BCKDK: variants seen among roughly 807,000 people sequenced by gnomAD.
BCKDK encodes branched-chain alpha-ketoacid dehydrogenase kinase.
BCKDK carries 28 observed loss-of-function variants against 43.9 expected under a neutral mutation model. The observed-to-expected ratio is 0.64, with a 90% confidence interval of 0.47 to 0.87. The LOEUF is 0.87. Among genes scored for constraint, BCKDK ranks in the 40% least tolerant of loss-of-function variants. The pLI, the probability that BCKDK is intolerant of heterozygous loss-of-function variation, is 0.00. For missense variants in BCKDK, 483 were observed against 581.4 expected (o/e 0.83, Z 1.74); for synonymous variants, 257 against 234.3 (o/e 1.10, Z -0.88).
In BCKDK at chr16:31,109,464, G is replaced by C. The variant is rs370542238; in HGVS notation, c.195+46G>C. Reference sequence around the variant, plus strand: ...CCCAGGGTCCGGGATGTAGGCGGGAGGGAGAGTGTTGGGGGTTCTCTGCTC... The same window carrying C: ...CCCAGGGTCCGGGATGTAGGCGGGACGGAGAGTGTTGGGGGTTCTCTGCTC... On this transcript the variant is annotated intron_variant, in intron 2 of 11. Transcript: ENST00000219794. This position sits in a 1 kb window ranked among gnomAD's most constrained non-coding sequence, Gnocchi z 5.3. 1.9e-5 allele frequency: 30 copies of C among 1,613,320 alleles called. No individual in the cohort carries two copies. The highest frequency in any genetic ancestry group is 3.3e-5 in the Admixed American group (2 of 59,946).
chr16:31,114,191 GTTTGT>G (rs1178636019), downstream of BCKDK, among the ~76,000 whole-genome samples: 2 of 151,822 alleles, frequency 1.3e-5, no homozygotes, highest in Non-Finnish European at 2.9e-5. Context: ...TTGTTTTTTT[GTTTGT>G]TTTGTTTCGT....
chr16:31,109,930 T>C lies in BCKDK; in HGVS notation c.375+147T>C. 7.3e-7 allele frequency: 1 copy of C among 1,372,614 alleles called. No homozygotes were observed. The highest frequency in any genetic ancestry group is 1.0e-6 in the Non-Finnish European group (1 of 970,982). The allele number at this position is 1,372,614 out of a possible 1,614,324, so 85.0% of individuals were successfully genotyped here. A position where few individuals can be genotyped will look rare whatever the true frequency, so the allele number is the denominator to read the frequency against. On this transcript the variant is annotated intron_variant, in intron 4 of 11. Coordinates refer to ENST00000219794, the MANE Select transcript of BCKDK (RefSeq NM_005881.4). This position sits in a 1 kb window ranked among gnomAD's most constrained non-coding sequence, Gnocchi z 5.3. ...CCCAGGCCTTCAGAAGCCAAAGGTG[T>C]GTATTCACGGAGCCTGGAAGGGTCG...
downstream of BCKDK, among the ~76,000 whole-genome samples, chr16:31,113,517 T>A (rs1428410591): frequency 1.3e-5 from 2 of 152,194 alleles, no homozygotes; most frequent in African/African-American, 2.4e-5. Context: ...TCTTGCTCTG[T>A]TGCCCAGGCT....
At position 31,109,974 on chromosome 16, in the gene BCKDK, G is replaced by A. The variant is rs1416379262; in HGVS notation, c.376-103G>A. 1.2e-5 allele frequency: 19 copies of A among 1,526,786 alleles called. No individual in the cohort carries two copies. Among genetic ancestry groups the A allele is most frequent in the Admixed American group, 1.7e-5 (1 of 59,576 alleles). The allele number at this position is 1,526,786 out of a possible 1,614,324, so 94.6% of individuals were successfully genotyped here. A position where few individuals can be genotyped will look rare whatever the true frequency, so the allele number is the denominator to read the frequency against. On this transcript the variant is annotated intron_variant, in intron 4 of 11. Transcript: ENST00000219794. The surrounding 1 kb of genome is among the most constrained non-coding windows in gnomAD (Gnocchi z 5.3). ...AGGGTCGAAGTGGGGGTTTGATCAC[G>A]TGGTCGACCAGCTGGGTGGTGATCC...
In BCKDK at chr16:31,112,753, C is replaced by T. The variant is rs1049339408; in HGVS notation, c.*488C>T. 1.7e-5 allele frequency: 5 copies of T among 288,650 alleles called. No individual in the cohort carries two copies. Among genetic ancestry groups the T allele is most frequent in the Non-Finnish European group, 2.0e-5 (3 of 147,882 alleles). 17.9% of individuals were successfully genotyped at this position (288,650 alleles called of 1,614,324 possible). A position where few individuals can be genotyped will look rare whatever the true frequency, so the allele number is the denominator to read the frequency against. ...TGATTTGGTGGGAGTGGGATGACTG[C>T]AGCACCTTATACAAAGAGCTTTCAT... On this transcript the variant is annotated 3_prime_UTR_variant, in exon 12 of 12. Coordinates refer to ENST00000219794, the MANE Select transcript of BCKDK (RefSeq NM_005881.4). The surrounding 1 kb of genome is among the most constrained non-coding windows in gnomAD (Gnocchi z 5.0).
At position 31,111,911 on chromosome 16, in the gene BCKDK, C is replaced by T. The variant is rs749756059; in HGVS notation, c.978C>T (p.Asp326=). The stretch of plus-strand genomic sequence containing the variant: ...GAGGAATCGCTCACAAAGATCTGGA[C>T]CGGGTCATGGACTACCACTTCACTA... The part of the protein sequence containing the change: ...RGGGIAHKDL[D]RVMDYHFTTA... The change falls in exon 11 of 12, where the codon GAC becomes GAT. Residue 326 remains aspartate, a synonymous_variant. Coordinates refer to ENST00000219794, the MANE Select transcript of BCKDK (RefSeq NM_005881.4). The T allele has an allele frequency of 1.9e-6, 3 of 1,614,178 alleles. No individual in the cohort carries two copies. In the African/African-American group the frequency reaches 4.0e-5, roughly 22 times the overall value.
At chr16:31,113,959 G>C (rs1229657601), downstream of BCKDK, among the ~76,000 whole-genome samples, 1 of 152,188 alleles carries the variant, frequency 6.6e-6, no homozygotes, top group African/African-American at 2.4e-5. Flanking sequence ...TATGCCTCAG[G>C]GTTGAAGGTA....
Position 31,111,347 on chromosome 16 carries a change from T to G in BCKDK, c.893T>G (p.Val298Gly). The G allele has an allele frequency of 6.2e-7, 1 of 1,614,156 alleles. No homozygotes were observed. The highest frequency in any genetic ancestry group is 1.1e-5 in the South Asian group (1 of 91,088). ...GACACTCCCTACAATGTCCCAGATG[T>G]GGTCATCACCATCGCCAACAATGAT... is the stretch of plus-strand genomic sequence containing the variant. Reference protein sequence around the residue: ...HLDTPYNVPDVVITIANNDVD... With the variant: ...HLDTPYNVPDGVITIANNDVD... The change falls in exon 10 of 12, where the codon GTG becomes GGG. Residue 298 changes from valine (V) to glycine (G), a missense_variant. Coordinates refer to ENST00000219794, the MANE Select transcript of BCKDK (RefSeq NM_005881.4).
At position 31,112,379 on chromosome 16, in the gene BCKDK, G is replaced by C; in HGVS notation, c.*114G>C. 3 of 1,518,220 alleles carry C rather than the reference G, an allele frequency of 2.0e-6. No individual in the cohort carries two copies. Among genetic ancestry groups the C allele is most frequent in the Non-Finnish European group, 2.7e-6 (3 of 1,114,792 alleles). The allele number at this position is 1,518,220 out of a possible 1,614,324, so 94.0% of individuals were successfully genotyped here. A position where few individuals can be genotyped will look rare whatever the true frequency, so the allele number is the denominator to read the frequency against. ...ACACACTGCTGCATCTTGGGTCTCA[G>C]GGACCCAGACAGATGGACTTACATG... On this transcript the variant is annotated 3_prime_UTR_variant, in exon 12 of 12. Transcript: ENST00000219794. This position sits in a 1 kb window ranked among gnomAD's most constrained non-coding sequence, Gnocchi z 5.0.
At position 31,112,146 on chromosome 16, in the gene BCKDK, C is replaced by T. The variant is rs781432488; in HGVS notation, c.1120C>T (p.Arg374Trp). Reference protein sequence around the residue: ...HGFGFGLPTSRAYAEYLGGSL... With the variant: ...HGFGFGLPTSWAYAEYLGGSL... ...CTTTGGCTTCGGGTTGCCCACGTCA[C>T]GGGCCTACGCGGAGTACCTCGGTGG... Residue 374 changes from arginine (R) to tryptophan (W), a missense_variant, in exon 12 of 12, where the codon CGG (arginine) becomes TGG (tryptophan). By Grantham distance (101) the Arg-to-Trp change is moderately radical. Coordinates refer to ENST00000219794, the MANE Select transcript of BCKDK (RefSeq NM_005881.4). This position sits in a 1 kb window ranked among gnomAD's most constrained non-coding sequence, Gnocchi z 5.0. 5 of 1,612,218 alleles carry T rather than the reference C, an allele frequency of 3.1e-6. No individual in the cohort carries two copies. The highest frequency in any genetic ancestry group is 2.2e-5 in the East Asian group (1 of 44,836).
Position 31,109,152 on chromosome 16 carries a change from T to G in BCKDK, c.-72T>G. 1 of 1,383,360 alleles carries G rather than the reference T, an allele frequency of 7.2e-7. No homozygotes were observed. Among genetic ancestry groups the G allele is most frequent in the East Asian group, 2.6e-5 (1 of 39,090 alleles). The allele number at this position is 1,383,360 out of a possible 1,614,324, so 85.7% of individuals were successfully genotyped here. The stretch of plus-strand genomic sequence containing the variant: ...CCACCCACACCCCCTTGCCCCATTT[T>G]GGGTCGCCTGGGTCCTCAGTCCTAG... On this transcript the variant is annotated 5_prime_UTR_variant, in exon 2 of 12. Transcript: ENST00000219794. The surrounding 1 kb of genome is among the most constrained non-coding windows in gnomAD (Gnocchi z 5.3).
Position 31,110,871 on chromosome 16 carries a change from G to A in BCKDK, c.716+110G>A, listed in dbSNP as rs961353478. 2.8e-6 allele frequency: 4 copies of A among 1,421,624 alleles called. No homozygotes were observed. Among genetic ancestry groups the A allele is most frequent in the Non-Finnish European group, 3.9e-6 (4 of 1,017,264 alleles). The allele number at this position is 1,421,624 out of a possible 1,614,324, so 88.1% of individuals were successfully genotyped here. A position where few individuals can be genotyped will look rare whatever the true frequency, so the allele number is the denominator to read the frequency against. Reference sequence around the variant, plus strand: ...CGGGGAGCAGGGTTTCTCAACCATGGCACTATTGACATTTCCAGCCAGATA... The same window carrying A: ...CGGGGAGCAGGGTTTCTCAACCATGACACTATTGACATTTCCAGCCAGATA... On this transcript the variant is annotated intron_variant, in intron 8 of 11. Coordinates refer to ENST00000219794, the MANE Select transcript of BCKDK (RefSeq NM_005881.4). The surrounding 1 kb of genome is among the most constrained non-coding windows in gnomAD (Gnocchi z 5.4).
At chr16:31,114,590 C>T (rs2057436420), downstream of BCKDK, among the ~76,000 whole-genome samples, 1 of 152,122 alleles carries the variant, frequency 6.6e-6, no homozygotes, top group Non-Finnish European at 1.5e-5. Context: ...TGTTTCCAAG[C>T]CCAATAACCA....
chr16:31,110,043 C>T lies in BCKDK; in HGVS notation c.376-34C>T, dbSNP rs772489972. ...GGCTGTTCTCTGCTCAGTGCCCATG[C>T]GGCTTTGTGAATTCCCACACCTCTT... On this transcript the variant is annotated intron_variant, in intron 4 of 11. Transcript: ENST00000219794. This position sits in a 1 kb window ranked among gnomAD's most constrained non-coding sequence, Gnocchi z 5.4. 2.1e-5 allele frequency: 34 copies of T among 1,613,810 alleles called. 1 individual carries two copies. In the South Asian group the frequency reaches 3.0e-4, roughly 14 times the overall value.
chr16:31,110,184 T>G lies in BCKDK; in HGVS notation c.424-21T>G, dbSNP rs747204815. 1.9e-6 allele frequency: 3 copies of G among 1,614,148 alleles called. No homozygotes were observed. Among genetic ancestry groups the G allele is most frequent in the Non-Finnish European group, 2.5e-6 (3 of 1,180,012 alleles). On this transcript the variant is annotated intron_variant, in intron 5 of 11. Transcript: ENST00000219794. This position sits in a 1 kb window ranked among gnomAD's most constrained non-coding sequence, Gnocchi z 5.4. ...GAGGTTGGGCTTGGACCACCCTTCC[T>G]CATGACTCTGTGACCTGCAGATCAA...
chr16:31,110,533 C>G lies in BCKDK; in HGVS notation c.642+34C>G. On this transcript the variant is annotated intron_variant, in intron 7 of 11. Coordinates refer to ENST00000219794, the MANE Select transcript of BCKDK (RefSeq NM_005881.4). The surrounding 1 kb of genome is among the most constrained non-coding windows in gnomAD (Gnocchi z 5.4). Reference sequence around the variant, plus strand: ...CTGGGACCTGAGACCCACCTGGGAACATTAAGTGAGACAGAGGAGACTGGG... The same window carrying G: ...CTGGGACCTGAGACCCACCTGGGAAGATTAAGTGAGACAGAGGAGACTGGG... The G allele has an allele frequency of 6.2e-7, 1 of 1,608,990 alleles. No individual in the cohort carries two copies. Among genetic ancestry groups the G allele is most frequent in the South Asian group, 1.1e-5 (1 of 90,964 alleles).
downstream of BCKDK, among the ~76,000 whole-genome samples, chr16:31,113,925 G>A (rs548664703): frequency 6.6e-6 from 1 of 152,310 alleles, no homozygotes; most frequent in Non-Finnish European, 1.5e-5. Flanking sequence ...TGTGACCTCA[G>A]GCAAAAGCCC....
downstream of BCKDK, among the ~76,000 whole-genome samples, chr16:31,113,806 T>C (rs1406916779): frequency 6.6e-6 from 1 of 152,016 alleles, no homozygotes; most frequent in African/African-American, 2.4e-5. Flanking sequence ...AAGGGATGTT[T>C]CTGGTTGGAG....
rs370032941 is a variant in BCKDK at position 31,110,682 on chromosome 16, G to C, written c.643-6G>C. 2 of 1,614,040 alleles carry C rather than the reference G, an allele frequency of 1.2e-6. No homozygotes were observed. The highest frequency in any genetic ancestry group is 2.2e-5 in the East Asian group (1 of 44,878). On this transcript the variant is annotated splice_polypyrimidine_tract_variant and splice_region_variant and intron_variant, in intron 7 of 11. Coordinates refer to ENST00000219794, the MANE Select transcript of BCKDK (RefSeq NM_005881.4). The surrounding 1 kb of genome is among the most constrained non-coding windows in gnomAD (Gnocchi z 5.4). ...TGGGTAGTCCTGACCTCCTTTCTCC[G>C]GCCAGCCTGACTTTGTCGGCATCAT...
Sources: gnomAD v4.1 joint callset for allele counts (sites outside exome capture counted in the v4.1 genomes callset) on GRCh38, gnomAD v4.1.1 for gene constraint, Gnocchi (gnomAD v3.1) non-coding constraint, MANE v1.5 for transcripts, NCBI Gene and HGNC (gene_info 2026-07-23, HGNC 2026-07-21) for gene names.